Variants in AZIN2 observed in about 807,000 individuals in gnomAD.
The protein encoded by AZIN2 is antizyme inhibitor 2.
AZIN2 carries 28 observed loss-of-function variants against 47.8 expected under a neutral mutation model. That is an observed-to-expected ratio of 0.59 (90% CI 0.43 to 0.80). The LOEUF is 0.80. Among genes scored for constraint, AZIN2 ranks in the 30% least tolerant of loss-of-function variants. The pLI, the probability that AZIN2 is intolerant of heterozygous loss-of-function variation, is 0.00. For synonymous variants in AZIN2, 221 were observed against 239.4 expected, an observed-to-expected ratio of 0.92 and a Z score of 0.71; for missense variants, 535 against 582.5, an observed-to-expected ratio of 0.92 and a Z score of 0.84.
chr1:33,104,347 G>A (rs1643896011), intron 10 of AZIN2, among the ~76,000 whole-genome samples: 1 of 152,122 alleles, frequency 6.6e-6, no homozygotes, highest in South Asian at 2.1e-4. Context: ...ATATGCATGT[G>A]TGCATGTATT....
chr1:33,096,642 G>C, intron 8 of AZIN2, 65 bp from the exon 9 acceptor site: 1 of 1,570,648 alleles, frequency 6.4e-7, no homozygotes, highest in East Asian at 2.3e-5. Flanking sequence ...TGGAGCTGTA[G>C]CAAGTCTTCA....
chr1:33,111,267 T>C (rs375383894), intron 10 of AZIN2, among the ~76,000 whole-genome samples: 8 of 152,264 alleles, frequency 5.3e-5, no homozygotes, highest in African/African-American at 1.9e-4. Flanking sequence ...TGCTTCTTTT[T>C]TTGAAGTGAG....
chr1:33,112,160 G>C lies in AZIN2; in HGVS notation c.1030-5742G>C, dbSNP rs140161435. ...AGGATATGGTGTAGTTGGGTCCTTA[G>C]GCACTGCTAGGTGGCAGTGGTGTAT... is the stretch of plus-strand genomic sequence containing the variant. On this transcript the variant is annotated intron_variant, in intron 10 of 11. Transcript: ENST00000294517. 2.2e-4 allele frequency among the ~76,000 whole-genome samples: 34 copies of C among 152,298 alleles called. No homozygotes were observed. In the East Asian group the frequency reaches 6.4e-3, roughly 28 times the overall value.
Position 33,092,074 on chromosome 1 carries a change from A to G in AZIN2, c.304A>G (p.Ile102Val). 1.2e-6 allele frequency: 2 copies of G among 1,614,096 alleles called. No homozygotes were observed. The highest frequency in any genetic ancestry group is 1.7e-6 in the Non-Finnish European group (2 of 1,179,984). ...NKAEMELVQHIGIPASKIICA... is the reference protein window; with the variant it reads ...NKAEMELVQHVGIPASKIICA... ...GGCAGAGATGGAGTTGGTCCAGCATATTGGAATCCCTGCCAGTAAGATCAT... is the reference window on the plus strand; with the variant it reads ...GGCAGAGATGGAGTTGGTCCAGCATGTTGGAATCCCTGCCAGTAAGATCAT... Residue 102 changes from isoleucine (I) to valine (V), a missense_variant, in exon 6 of 12, where the codon ATT (isoleucine) becomes GTT (valine). Around this residue, in one of 3 missense-constraint regions of AZIN2, gnomAD observed 409 missense variants for 429.0 expected, o/e 0.95. Coordinates refer to ENST00000294517, the MANE Select transcript of AZIN2 (RefSeq NM_052998.4).
chr1:33,098,729 T>A (rs980570491), intron 10 of AZIN2, among the ~76,000 whole-genome samples: 3 of 152,152 alleles, frequency 2.0e-5, no homozygotes, highest in Non-Finnish European at 4.4e-5. Context: ...AGACATCATT[T>A]TATCTTCCCC....
Position 33,120,359 on chromosome 1 carries a change from T to A in AZIN2, c.*177T>A. ...AATAGGACCAGTCTTACACTCGCTG[T>A]AGTTCAAGTATGCAACATAAATCCT... On this transcript the variant is annotated 3_prime_UTR_variant, in exon 12 of 12. Transcript: ENST00000294517. The A allele has an allele frequency of 2.4e-6, 2 of 819,250 alleles. No homozygotes were observed. Among genetic ancestry groups the A allele is most frequent in the African/African-American group, 1.7e-5 (1 of 57,824 alleles). 50.7% of individuals were successfully genotyped at this position (819,250 alleles called of 1,614,324 possible). A position where few individuals can be genotyped will look rare whatever the true frequency, so the allele number is the denominator to read the frequency against.
chr1:33,131,217 C>G, the AZIN2 span, among the ~76,000 whole-genome samples: 2 of 152,220 alleles, frequency 1.3e-5, no homozygotes, highest in Non-Finnish European at 2.9e-5. Flanking sequence ...GTATGGTATA[C>G]CATTCTCCTC....
At chr1:33,093,116 G>A in intron 6 of AZIN2, 166 bp from the exon 7 acceptor site, 1 of 834,730 alleles carries the variant, frequency 1.2e-6, no homozygotes, top group African/African-American at 1.7e-5. Context: ...AGAATGGATT[G>A]GACAGGACTT....
At chr1:33,150,143 G>C in the AZIN2 span, among the ~76,000 whole-genome samples, 1 of 152,274 alleles carries the variant, frequency 6.6e-6, no homozygotes, top group Non-Finnish European at 1.5e-5. Flanking sequence ...TCCTTAGCCT[G>C]AATGACCATT....
the AZIN2 span, among the ~76,000 whole-genome samples, chr1:33,160,386 C>G: frequency 2.0e-5 from 3 of 151,844 alleles, no homozygotes; most frequent in East Asian, 5.8e-4. Context: ...ATAGTGAAGT[C>G]TTTATTTTTT....
intron 4 of AZIN2, chr1:33,083,612 C>T (rs1036138699): frequency 1.6e-5 from 6 of 368,004 alleles, no homozygotes; most frequent in African/African-American, 1.2e-4. Context: ...GGGAAGGTGG[C>T]ATTTGAGTGA....
chr1:33,095,113 C>T (rs576623738), intron 8 of AZIN2, among the ~76,000 whole-genome samples: 2 of 152,236 alleles, frequency 1.3e-5, no homozygotes, highest in African/African-American at 4.8e-5. Flanking sequence ...CATTCTCTTC[C>T]TCTATTCCCT....
At chr1:33,089,771 A>G (rs1642328415) in intron 5 of AZIN2, among the ~76,000 whole-genome samples, 1 of 152,244 alleles carries the variant, frequency 6.6e-6, no homozygotes, top group Non-Finnish European at 1.5e-5. Context: ...ATTGGGATTA[A>G]ATGAAATAAT....
chr1:33,103,559 C>G (rs1056742731), intron 10 of AZIN2, among the ~76,000 whole-genome samples: 1 of 152,090 alleles, frequency 6.6e-6, no homozygotes, highest in African/African-American at 2.4e-5. Flanking sequence ...ATTTTGATAC[C>G]CTGCTTATTT....
chr1:33,095,054 G>C (rs1275073718), intron 8 of AZIN2, among the ~76,000 whole-genome samples: 1 of 152,200 alleles, frequency 6.6e-6, no homozygotes, highest in Admixed American at 6.5e-5. Flanking sequence ...ATGAGATATC[G>C]GGTGGGGAGG....
chr1:33,123,463 C>G lies in AZIN2; in HGVS notation c.*3281C>G, dbSNP rs544640409. ...GGCAAATGAATAAACATGTCTGAAT[C>G]TGTCTGAATAAACATGCTCTTAACC... On this transcript the variant is annotated 3_prime_UTR_variant, in exon 12 of 12. Coordinates refer to ENST00000294517, the MANE Select transcript of AZIN2 (RefSeq NM_052998.4). Among the ~76,000 whole-genome samples, 1 of 152,320 alleles carries G rather than the reference C, an allele frequency of 6.6e-6. No individual in the cohort carries two copies. The highest frequency in any genetic ancestry group is 2.1e-4 in the South Asian group (1 of 4,828).
chr1:33,108,662 A>G (rs1248406885), intron 10 of AZIN2, among the ~76,000 whole-genome samples: 1 of 152,160 alleles, frequency 6.6e-6, no homozygotes, highest in African/African-American at 2.4e-5. Context: ...TTCACTTAGT[A>G]ATATGCACTT....
chr1:33,112,879 T>C (rs1644351160), intron 10 of AZIN2, among the ~76,000 whole-genome samples: 1 of 152,220 alleles, frequency 6.6e-6, no homozygotes, highest in East Asian at 1.9e-4. Context: ...TTAATCTAGT[T>C]ATTAAATTAG....
chr1:33,098,019 C>A (rs1643338276), intron 9 of AZIN2, 48 bp from the exon 10 acceptor site: 1 of 1,394,326 alleles, frequency 7.2e-7, no homozygotes, highest in East Asian at 2.3e-5. Flanking sequence ...CCACTACCAC[C>A]CCCTCACATT....
Sources: allele counts gnomAD v4.1 joint callset (sites outside exome capture counted in the v4.1 genomes callset), GRCh38; gene constraint gnomAD v4.1.1; regional missense constraint gnomAD v4.1.1; transcripts MANE v1.5; gene names NCBI Gene and HGNC (gene_info 2026-07-23, HGNC 2026-07-21).